The following GLIS3 variants were observed in gnomAD, a reference collection of about 807,000 sequenced individuals.
The protein encoded by GLIS3 is GLIS family zinc finger 3.
In GLIS3, 53 loss-of-function variants were observed where a neutral mutation model predicts 78.6. The ratio of observed to expected loss-of-function variants is 0.67; its 90% CI spans 0.54 to 0.85. The LOEUF (loss-of-function observed/expected upper bound fraction) is 0.85, where lower values mean the gene tolerates loss of function less well. Among genes scored for constraint, GLIS3 ranks in the 40% least tolerant of loss-of-function variants. The pLI is 0.00. For missense variants in GLIS3, 1,703 were observed against 1,231.1 expected, an observed-to-expected ratio of 1.38 and a Z score of -5.74; for synonymous variants, 684 against 509.9, an observed-to-expected ratio of 1.34 and a Z score of -4.60.
chr9:4,220,255 G>A (rs552824809), intron 2 of GLIS3, among the ~76,000 whole-genome samples: 1 of 152,250 alleles, frequency 6.6e-6, no homozygotes, highest in Non-Finnish European at 1.5e-5. Flanking sequence ...AAAGAATGAT[G>A]GAGTTAGAAA....
At chr9:3,964,263 C>G (rs1817767635) in intron 4 of GLIS3, among the ~76,000 whole-genome samples, 1 of 152,176 alleles carries the variant, frequency 6.6e-6, no homozygotes, top group Admixed American at 6.5e-5. Flanking sequence ...AAGCTCGGAG[C>G]AAGCTCATTT....
At position 4,139,790 on chromosome 9, in the gene GLIS3, G is replaced by A. The variant is rs370286487; in HGVS notation, c.389-13849C>T. Among the ~76,000 whole-genome samples the A allele has an allele frequency of 1.6e-4, 24 of 152,254 alleles. No individual in the cohort carries two copies. The East Asian group carries it at 3.9e-3, about 24-fold the overall frequency. Reference sequence around the variant, plus strand: ...CCCTCACTTGCACAGTTCACTATGGGGTTTCTGCCTCTATGAGAATCTAAT... The same window carrying A: ...CCCTCACTTGCACAGTTCACTATGGAGTTTCTGCCTCTATGAGAATCTAAT... On this transcript the variant is annotated intron_variant, in intron 2 of 10. Coordinates refer to ENST00000381971, the MANE Select transcript of GLIS3 (RefSeq NM_001042413.2).
rs935936310 is a variant in GLIS3 at position 4,320,347 on chromosome 9, G to C, written n.265-9819C>G. ...AAGTAAGACCATCACCTCTGGAAGG[G>C]AGTTGAGAAGGAGGTGGGACTGAAA... On this transcript the variant is annotated intron_variant and non_coding_transcript_variant, in intron 2 of 4. Coordinates refer to the GLIS3 transcript ENST00000471664. 9.2e-5 allele frequency among the ~76,000 whole-genome samples: 14 copies of C among 152,096 alleles called. 1 individual carries two copies. The highest frequency in any genetic ancestry group is 2.6e-4 in the Admixed American group (4 of 15,266).
intron 2 of GLIS3, among the ~76,000 whole-genome samples, chr9:4,242,746 T>C (rs2129727283): frequency 6.6e-6 from 1 of 152,240 alleles, no homozygotes; most frequent in Non-Finnish European, 1.5e-5. Context: ...CACCCCAGAT[T>C]CAGAAGATTT....
intron 3 of GLIS3, among the ~76,000 whole-genome samples, chr9:4,309,220 A>G (rs1817301163): frequency 1.3e-5 from 2 of 152,214 alleles, no homozygotes; most frequent in East Asian, 3.8e-4. Context: ...CCTCCAGCCA[A>G]AGCCATTGCT....
intron 4 of GLIS3, among the ~76,000 whole-genome samples, chr9:4,060,295 A>G (rs1157005783): frequency 6.6e-6 from 1 of 151,970 alleles, no homozygotes; most frequent in Non-Finnish European, 1.5e-5. Flanking sequence ...TTCAACAAAC[A>G]TTGTCTTTTG....
chr9:3,922,424 C>G (rs1194849175), intron 6 of GLIS3, among the ~76,000 whole-genome samples: 1 of 152,118 alleles, frequency 6.6e-6, no homozygotes, highest in East Asian at 1.9e-4. Flanking sequence ...TCAATGGTGT[C>G]TTGGTTTCAA....
At chr9:4,307,156 C>T (rs1003118735) in intron 4 of GLIS3, among the ~76,000 whole-genome samples, 3 of 152,194 alleles carry the variant, frequency 2.0e-5, no homozygotes, top group Non-Finnish European at 4.4e-5. Flanking sequence ...TTAATTCTCA[C>T]AGTGTAGAGG....
intron 2 of GLIS3, among the ~76,000 whole-genome samples, chr9:4,202,118 A>T (rs1819449291): frequency 6.6e-6 from 1 of 150,932 alleles, no homozygotes; most frequent in Non-Finnish European, 1.5e-5. Context: ...AGCCTGGGTG[A>T]CAGAGCAAGA....
the GLIS3 span, among the ~76,000 whole-genome samples, chr9:4,480,475 A>G: frequency 1.2e-4 from 19 of 152,256 alleles, no homozygotes; most frequent in African/African-American, 4.3e-4. Context: ...TGCTAGGATT[A>G]TAGGCATGGG....
intron 4 of GLIS3, among the ~76,000 whole-genome samples, chr9:4,100,070 T>C (rs969644114): frequency 2.6e-5 from 4 of 152,244 alleles, no homozygotes; most frequent in African/African-American, 9.6e-5. Flanking sequence ...TACAGAAGAA[T>C]GTTTTGAAAC....
intron 4 of GLIS3, among the ~76,000 whole-genome samples, chr9:4,047,198 C>G (rs372985051): frequency 2.0e-5 from 3 of 152,028 alleles, no homozygotes; most frequent in African/African-American, 7.2e-5. Flanking sequence ...GGCTCTTCCC[C>G]CTTCGCTCTG....
At chr9:4,274,855 AG>A (rs1439009250) in intron 2 of GLIS3, among the ~76,000 whole-genome samples, 1 of 152,162 alleles carries the variant, frequency 6.6e-6, no homozygotes, top group Non-Finnish European at 1.5e-5. Flanking sequence ...ATTTCTAACC[AG>A]GTCCTGGGGG....
At chr9:3,890,266 C>G (rs1392349193) in intron 7 of GLIS3, among the ~76,000 whole-genome samples, 1 of 150,762 alleles carries the variant, frequency 6.6e-6, no homozygotes, top group Non-Finnish European at 1.5e-5. Context: ...TTCATGGAAA[C>G]AACAACAACA....
rs535365866 is a variant in GLIS3, at chr9:3,875,711, A to G, written c.2297+3716T>C. 5 of 152,242 alleles carry G rather than the reference A, an allele frequency of 3.3e-5. No homozygotes were observed. In the South Asian group the frequency reaches 1.0e-3, roughly 32 times the overall value. The allele number at this position is 152,242 out of a possible 1,614,324, so 9.4% of individuals were successfully genotyped here. A position where few individuals can be genotyped will look rare whatever the true frequency, so the allele number is the denominator to read the frequency against. On this transcript the variant is annotated intron_variant, in intron 8 of 10. Transcript: ENST00000381971. ...TGTTTCAAGTCATCTTCCTTTCCAA[A>G]CCTGATTGGAAGAGAGAACCTGCCA...
At chr9:4,406,212 A>T in the GLIS3 span, among the ~76,000 whole-genome samples, 1 of 152,318 alleles carries the variant, frequency 6.6e-6, no homozygotes, top group South Asian at 2.1e-4. Context: ...TAGTACTGGA[A>T]GTCCTAGATA....
chr9:4,032,884 C>G (rs1182976023), intron 4 of GLIS3, among the ~76,000 whole-genome samples: 2 of 151,486 alleles, frequency 1.3e-5, no homozygotes, highest in Non-Finnish European at 2.9e-5. Context: ...GACAGAGTCT[C>G]GCTCTGTCGC....
At chr9:4,139,676 A>C (rs1021729613) in intron 2 of GLIS3, among the ~76,000 whole-genome samples, 1 of 152,088 alleles carries the variant, frequency 6.6e-6, no homozygotes, top group Non-Finnish European at 1.5e-5. Flanking sequence ...AGGGGTGGGC[A>C]CGGTTGGGTG....
intron 2 of GLIS3, among the ~76,000 whole-genome samples, chr9:4,212,704 G>C (rs1415349071): frequency 6.6e-6 from 1 of 152,212 alleles, no homozygotes; most frequent in Non-Finnish European, 1.5e-5. Context: ...GGAAACAGCA[G>C]ATACAGAAGC....
Sources: allele counts gnomAD v4.1 joint callset (sites outside exome capture counted in the v4.1 genomes callset), GRCh38; gene constraint gnomAD v4.1.1; transcripts MANE v1.5; gene names NCBI Gene and HGNC (gene_info 2026-07-23, HGNC 2026-07-21).